BCL11B: variants seen among roughly 807,000 people sequenced by gnomAD.
BCL11B encodes B-cell lymphoma/leukemia 11B.
Under a neutral mutation model 49.9 loss-of-function variants are expected in BCL11B, and 8 were observed. The observed-to-expected ratio is 0.16, with a 90% CI of 0.09 to 0.29. The LOEUF is 0.29. Ranked by LOEUF, BCL11B falls within the 10% of genes least tolerant of loss-of-function variation. The pLI is 1.00. For missense variants in BCL11B, 1,006 were observed against 1,351.0 expected, an observed-to-expected ratio of 0.74 and a Z score of 4.00; for synonymous variants, 739 against 637.4, an observed-to-expected ratio of 1.16 and a Z score of -2.40.
chr14:99,174,277 C>T lies in BCL11B; in HGVS notation c.2559G>A (p.Val853=), dbSNP rs1255056996. ...MKTHGQIGKE[V]YRCDICQMPF... ...GCATCTGGCAGATGTCGCAGCGGTA[C>T]ACCTCCTTGCCGATCTGCCCGTGCG... The change falls in exon 4 of 4, where the codon GTG becomes GTA. Residue 853 remains valine, a synonymous_variant. Coordinates refer to ENST00000357195, the MANE Select transcript of BCL11B (RefSeq NM_138576.4). The T allele has an allele frequency of 6.2e-7, 1 of 1,613,766 alleles. No homozygotes were observed.
intron 2 of BCL11B, among the ~76,000 whole-genome samples, chr14:99,237,379 C>T (rs1184304992): frequency 6.6e-6 from 1 of 152,100 alleles, no homozygotes; most frequent in African/African-American, 2.4e-5. Context: ...AGTGAACACG[C>T]AGGTTACCAT....
At chr14:99,244,124 C>A (rs1176718338) in intron 2 of BCL11B, among the ~76,000 whole-genome samples, 12 of 152,116 alleles carry the variant, frequency 7.9e-5, no homozygotes, top group Admixed American at 7.9e-4. Context: ...ACCACACTGT[C>A]CAAGCCTTAG....
chr14:99,182,221 A>G (rs1414407408), intron 3 of BCL11B, among the ~76,000 whole-genome samples: 1 of 152,238 alleles, frequency 6.6e-6, no homozygotes, highest in African/African-American at 2.4e-5. Flanking sequence ...CCTGCCAGGC[A>G]TGAGCTAAGC....
At chr14:99,207,048 A>G (rs1566809984) in intron 3 of BCL11B, among the ~76,000 whole-genome samples, 1 of 152,208 alleles carries the variant, frequency 6.6e-6, no homozygotes, top group Admixed American at 6.5e-5. Flanking sequence ...TTTCTTTCAT[A>G]AGTGAATCAG....
rs1393535558 is a variant in BCL11B, at chr14:99,247,891, G to A, written c.427+9580C>T. ...GCCCAGGCACTCAGCCCCCAGGGCAGGGGATGGGGGGAAAACAGCCCTGAT... is the reference window on the plus strand; with the variant it reads ...GCCCAGGCACTCAGCCCCCAGGGCAAGGGATGGGGGGAAAACAGCCCTGAT... On this transcript the variant is annotated intron_variant, in intron 2 of 3. Transcript: ENST00000357195. This position sits in a 1 kb window ranked among gnomAD's most constrained non-coding sequence, Gnocchi z 4.5. Among the ~76,000 whole-genome samples, 1 of 152,210 alleles carries A rather than the reference G, an allele frequency of 6.6e-6. No homozygotes were observed. Among genetic ancestry groups the A allele is most frequent in the Non-Finnish European group, 1.5e-5 (1 of 68,030 alleles).
intron 3 of BCL11B, among the ~76,000 whole-genome samples, chr14:99,182,754 C>A (rs2139777221): frequency 6.6e-6 from 1 of 152,306 alleles, no homozygotes; most frequent in East Asian, 1.9e-4. Flanking sequence ...CTGCGGTAGA[C>A]ATTGCCAGTT....
At chr14:99,230,604 T>C (rs1338531001) in intron 3 of BCL11B, among the ~76,000 whole-genome samples, 4 of 152,194 alleles carry the variant, frequency 2.6e-5, no homozygotes, top group East Asian at 1.9e-4. Flanking sequence ...TGGGTTCCAC[T>C]TGGGGAGAAG....
At chr14:99,267,539 A>C in intron 1 of BCL11B, among the ~76,000 whole-genome samples, 4 of 13,206 alleles carry the variant, frequency 3.0e-4, no homozygotes, top group Non-Finnish European at 5.9e-4. Context: ...AGGGAGAGGA[A>C]CTTCACCCCC....
At position 99,257,700 on chromosome 14, in the gene BCL11B, G is replaced by C. The variant is rs1280719218; in HGVS notation, c.198C>G (p.Pro66=). ...LTCGQCQMNF[P]LGDILVFIEH... ...CTATAAAAACCAGGATGTCCCCCAA[G>C]GGGAAGTTCATTTGACACTGGCCAC... Residue 66 remains proline, a synonymous_variant, in exon 2 of 4, where the codon CCC becomes CCG. Transcript: ENST00000357195. This position sits in a 1 kb window ranked among gnomAD's most constrained non-coding sequence, Gnocchi z 6.2. The C allele has an allele frequency of 1.9e-6, 3 of 1,612,592 alleles. No individual in the cohort carries two copies. The highest frequency in any genetic ancestry group is 2.5e-6 in the Non-Finnish European group (3 of 1,179,078).
At chr14:99,271,082 G>C in intron 1 of BCL11B, 79 bp downstream of exon 1, 2 of 1,413,662 alleles carry the variant, frequency 1.4e-6, no homozygotes, top group Non-Finnish European at 1.9e-6. Flanking sequence ...AGGCTCGGCT[G>C]TTCCGGGCTC....
rs897957357 is a variant in BCL11B, at chr14:99,172,787, AT to A, written c.*1363del. ...AAGCTTTAAAGTGCGGGTCAACAGA[AT>A]TCAAATGTCTAATCTTAACAGTTCA... On this transcript the variant is annotated 3_prime_UTR_variant, in exon 4 of 4. Transcript: ENST00000357195. The A allele has an allele frequency of 5.1e-5, 11 of 216,994 alleles. No homozygotes were observed. Among genetic ancestry groups the A allele is most frequent in the African/African-American group, 2.5e-4 (11 of 44,468 alleles). The allele number at this position is 216,994 out of a possible 1,614,324, so 13.4% of individuals were successfully genotyped here.
chr14:99,235,560 AACTT>A (rs767942027), intron 2 of BCL11B, among the ~76,000 whole-genome samples: 1 of 152,220 alleles, frequency 6.6e-6, no homozygotes, highest in Non-Finnish European at 1.5e-5. Flanking sequence ...ATGCAAATGA[AACTT>A]ACGTCAACTC....
intron 1 of BCL11B, among the ~76,000 whole-genome samples, chr14:99,259,368 G>GTTCT (rs1889272150): frequency 6.6e-6 from 1 of 152,182 alleles, no homozygotes; most frequent in South Asian, 2.1e-4. Flanking sequence ...ATAAATCACT[G>GTTCT]TTCTCTATTT....
chr14:99,245,146 G>A (rs1888788631), intron 2 of BCL11B, among the ~76,000 whole-genome samples: 1 of 152,316 alleles, frequency 6.6e-6, no homozygotes, highest in East Asian at 1.9e-4. Context: ...CTGCTTTTCT[G>A]GGCCTTTAAG....
chr14:99,185,664 A>G (rs1004288548), intron 3 of BCL11B, among the ~76,000 whole-genome samples: 8 of 152,056 alleles, frequency 5.3e-5, no homozygotes, highest in Non-Finnish European at 1.2e-4. Flanking sequence ...AGGCAAATAT[A>G]TACCCAAGAG....
intron 1 of BCL11B, chr14:99,264,063 C>T (rs1265984076): frequency 1.3e-5 from 2 of 152,190 alleles, no homozygotes; most frequent in African/African-American, 4.8e-5. Flanking sequence ...GGGCTCCTAA[C>T]GATGTGATAA....
rs1440975709 is a variant in BCL11B, at chr14:99,241,527, C to T, written c.428-9970G>A. On this transcript the variant is annotated intron_variant, in intron 2 of 3. Transcript: ENST00000357195. The surrounding 1 kb of genome is among the most constrained non-coding windows in gnomAD (Gnocchi z 4.4). ...CACCAAAATGGCAGAAAAATTAAGT[C>T]TTGGGGCTGAGACGAAGGGAACCTG... Among the ~76,000 whole-genome samples the T allele has an allele frequency of 6.6e-6, 1 of 152,080 alleles. No homozygotes were observed. Among genetic ancestry groups the T allele is most frequent in the Non-Finnish European group, 1.5e-5 (1 of 67,990 alleles).
intron 3 of BCL11B, among the ~76,000 whole-genome samples, chr14:99,222,975 G>A (rs528475214): frequency 5.9e-5 from 9 of 151,824 alleles, no homozygotes; most frequent in African/African-American, 1.5e-4. Flanking sequence ...CACAATGAGC[G>A]TTTGACATAA....
chr14:99,186,105 C>T (rs1232142386), intron 3 of BCL11B, among the ~76,000 whole-genome samples: 1 of 152,230 alleles, frequency 6.6e-6, no homozygotes, highest in African/African-American at 2.4e-5. Flanking sequence ...GGGTTCAGGC[C>T]ACTCAGTCAC....
Sources: allele counts gnomAD v4.1 joint callset (sites outside exome capture counted in the v4.1 genomes callset), GRCh38; gene constraint gnomAD v4.1.1; non-coding constraint Gnocchi (gnomAD v3.1); transcripts MANE v1.5; gene names NCBI Gene and HGNC (gene_info 2026-07-23, HGNC 2026-07-21).